Variants in HSD17B4 observed in about 807,000 individuals in gnomAD.
HSD17B4 encodes the protein peroxisomal multifunctional enzyme type 2.
HSD17B4 carries 70 observed loss-of-function variants against 101.0 expected under a neutral mutation model. That is an observed-to-expected ratio of 0.69 (90% CI 0.57 to 0.85). HSD17B4 has a LOEUF of 0.85. Among genes scored for constraint, HSD17B4 ranks in the 40% least tolerant of loss-of-function variants. The pLI, the probability that HSD17B4 is intolerant of heterozygous loss-of-function variation, is 0.00. For missense variants in HSD17B4, 984 were observed against 892.4 expected (o/e 1.10, Z -1.31); for synonymous variants, 347 against 297.1 (o/e 1.17, Z -1.73).
At chr5:119,486,772 G>A (rs539639381) in intron 8 of HSD17B4, among the ~76,000 whole-genome samples, 18 of 152,224 alleles carry the variant, frequency 1.2e-4, no homozygotes, top group Non-Finnish European at 1.0e-4. Flanking sequence ...TCTAGGATAT[G>A]TACTTCAAAG....
At position 119,477,868 on chromosome 5, in the gene HSD17B4, C is replaced by T. The variant is rs146874239; in HGVS notation, c.434+367C>T. On this transcript the variant is annotated intron_variant, in intron 7 of 23. Transcript: ENST00000510025. The stretch of plus-strand genomic sequence containing the variant: ...CTGGGCTCAAGCAGTCCTCCCACCT[C>T]AGCCTCCCAAGTAGCTGGGACTGCA... The T allele has an allele frequency of 4.0e-3, 824 of 206,726 alleles. 10 individuals are homozygous for T. The highest frequency in any genetic ancestry group is 0.018 in the African/African-American group (783 of 43,006). The allele number at this position is 206,726 out of a possible 1,614,324, so 12.8% of individuals were successfully genotyped here. A position where few individuals can be genotyped will look rare whatever the true frequency, so the allele number is the denominator to read the frequency against.
rs1454202747 is a variant in HSD17B4, at chr5:119,530,073, A to G, written c.1854+93A>G. Reference sequence around the variant, plus strand: ...AGTGGTTAGGCTACGTTAGAAAATTAACAACCATGAAACTATTCTTAATTC... The same window carrying G: ...AGTGGTTAGGCTACGTTAGAAAATTGACAACCATGAAACTATTCTTAATTC... On this transcript the variant is annotated intron_variant, in intron 21 of 23. Coordinates refer to ENST00000510025, the MANE Select transcript of HSD17B4 (RefSeq NM_000414.4). The G allele has an allele frequency of 1.1e-5, 9 of 785,512 alleles. No homozygotes were observed. The East Asian group carries it at 2.0e-4, about 17-fold the overall frequency. 48.7% of individuals were successfully genotyped at this position (785,512 alleles called of 1,614,324 possible). A position where few individuals can be genotyped will look rare whatever the true frequency, so the allele number is the denominator to read the frequency against.
At chr5:119,474,369 C>T (rs542054837) in intron 3 of HSD17B4, 32 bp from the exon 4 acceptor site, 148 of 1,510,016 alleles carry the variant, frequency 9.8e-5, no homozygotes, top group Non-Finnish European at 1.2e-4. Flanking sequence ...GGGAGGTTGC[C>T]GAAATTTCAT....
intron 23 of HSD17B4, among the ~76,000 whole-genome samples, chr5:119,539,771 A>G (rs755726219): frequency 2.0e-5 from 3 of 151,974 alleles, no homozygotes; most frequent in Non-Finnish European, 4.4e-5. Context: ...GGATAAGATA[A>G]TTTACACACA....
Position 119,527,228 on chromosome 5 carries a change from T to G in HSD17B4, c.1767+9T>G. 1 of 1,572,178 alleles carries G rather than the reference T, an allele frequency of 6.4e-7. No homozygotes were observed. Among genetic ancestry groups the G allele is most frequent in the South Asian group, 1.1e-5 (1 of 90,082 alleles). ...TTCATTTTCAAACCAAGGTATGAAT[T>G]TTGCTTTTTCACCCTTCTCACATGC... On this transcript the variant is annotated intron_variant, in intron 20 of 23. Transcript: ENST00000510025.
Position 119,499,515 on chromosome 5 carries a change from T to C in HSD17B4, c.1171T>C (p.Leu391=). ...IGQKSMMGGG[L]AEIPGLSINF... is the part of the protein sequence containing the mutation. ...TCAGAAATCTATGATGGGTGGAGGATTAGCAGAAATTCCTGGACTTTCAAT... is the reference window on the plus strand; with the variant it reads ...TCAGAAATCTATGATGGGTGGAGGACTAGCAGAAATTCCTGGACTTTCAAT... The change falls in exon 13 of 24, where the codon TTA becomes CTA. Residue 391 remains leucine, a synonymous_variant. Coordinates refer to ENST00000510025, the MANE Select transcript of HSD17B4 (RefSeq NM_000414.4). 6.2e-7 allele frequency: 1 copy of C among 1,613,460 alleles called. No homozygotes were observed. Among genetic ancestry groups the C allele is most frequent in the East Asian group, 2.2e-5 (1 of 44,860 alleles).
chr5:119,485,513 C>T (rs1296539743), intron 8 of HSD17B4, among the ~76,000 whole-genome samples: 9 of 152,034 alleles, frequency 5.9e-5, no homozygotes, highest in Non-Finnish European at 1.5e-5. Flanking sequence ...TATTTCTAGT[C>T]CTAAAATTCC....
At chr5:119,497,660 T>A (rs1035941104) in intron 12 of HSD17B4, among the ~76,000 whole-genome samples, 16 of 152,244 alleles carry the variant, frequency 1.1e-4, no homozygotes, top group African/African-American at 3.6e-4. Flanking sequence ...AGCAAAATTT[T>A]GTTTGAAATG....
At chr5:119,453,954 G>T (rs1446982866) in intron 1 of HSD17B4, among the ~76,000 whole-genome samples, 2 of 152,140 alleles carry the variant, frequency 1.3e-5, no homozygotes. Flanking sequence ...TTTTGCCATC[G>T]CTAAGGAGAC....
At chr5:119,461,507 G>T (rs1476465713) in intron 2 of HSD17B4, among the ~76,000 whole-genome samples, 1 of 152,116 alleles carries the variant, frequency 6.6e-6, no homozygotes, top group Non-Finnish European at 1.5e-5. Context: ...ATTGATGCCT[G>T]ATAATTTGGT....
chr5:119,477,812 G>A (rs763276581), intron 7 of HSD17B4: 10 of 332,326 alleles, frequency 3.0e-5, no homozygotes, highest in Non-Finnish European at 4.6e-5. Flanking sequence ...GAGTACAGTG[G>A]CATGAACATG....
intron 2 of HSD17B4, among the ~76,000 whole-genome samples, chr5:119,473,313 C>CT (rs1748208553): frequency 2.7e-5 from 2 of 74,874 alleles, no homozygotes; most frequent in African/African-American, 4.9e-5. Context: ...CTTCCCTGCT[C>CT]CTTTTTTTTT....
intron 22 of HSD17B4, among the ~76,000 whole-genome samples, chr5:119,533,416 A>C (rs1227990494): frequency 6.6e-6 from 1 of 152,056 alleles, no homozygotes; most frequent in Non-Finnish European, 1.5e-5. Flanking sequence ...AATTAAGGAA[A>C]TAGTAATAAT....
At chr5:119,514,744 A>T (rs1288639345) in intron 16 of HSD17B4, among the ~76,000 whole-genome samples, 1 of 152,134 alleles carries the variant, frequency 6.6e-6, no homozygotes, top group Non-Finnish European at 1.5e-5. Context: ...GATTTATCTG[A>T]TTACATAATT....
In HSD17B4 at chr5:119,530,372, G is replaced by A. The variant is rs569521452; in HGVS notation, c.1854+392G>A. ...GTATGCAAATATATAAACCAGCAGC[G>A]TGTATAATTTATTAAAACATTGTAT... On this transcript the variant is annotated intron_variant, in intron 21 of 23. Coordinates refer to ENST00000510025, the MANE Select transcript of HSD17B4 (RefSeq NM_000414.4). Among the ~76,000 whole-genome samples, 44 of 152,154 alleles carry A rather than the reference G, an allele frequency of 2.9e-4. No individual in the cohort carries two copies. The South Asian group carries it at 7.2e-3, about 25-fold the overall frequency.
rs369731891 is a variant in HSD17B4, at chr5:119,452,510, T to A, written c.-66T>A. On this transcript the variant is annotated 5_prime_UTR_variant, in exon 1 of 24. Coordinates refer to ENST00000510025, the MANE Select transcript of HSD17B4 (RefSeq NM_000414.4). ...CCCGCCCCCGCCATTCCCCGCCTCCTCCTGTCCCGCAGTCGGCGTCCAGCG... is the reference window on the plus strand; with the variant it reads ...CCCGCCCCCGCCATTCCCCGCCTCCACCTGTCCCGCAGTCGGCGTCCAGCG... The A allele has an allele frequency of 1.2e-5, 20 of 1,612,694 alleles. No homozygotes were observed. Among genetic ancestry groups the A allele is most frequent in the African/African-American group, 1.2e-4 (9 of 75,020 alleles).
chr5:119,456,708 C>T (rs955243540), intron 2 of HSD17B4: 1 of 316,578 alleles, frequency 3.2e-6, no homozygotes, highest in Non-Finnish European at 6.0e-6. Flanking sequence ...GATTATACCA[C>T]TGCACTCCAA....
intron 2 of HSD17B4, among the ~76,000 whole-genome samples, chr5:119,469,318 TA>T (rs943863964): frequency 4.0e-5 from 6 of 151,686 alleles, no homozygotes; most frequent in African/African-American, 1.5e-4. Flanking sequence ...TTTTTTAACT[TA>T]AAAAAAGTGT....
rs892029481 is a variant in HSD17B4, at chr5:119,457,872, G to T, written c.112+1504G>T. 1.2e-4 allele frequency among the ~76,000 whole-genome samples: 18 copies of T among 152,290 alleles called. No individual in the cohort carries two copies. In the East Asian group the frequency reaches 2.7e-3, roughly 23 times the overall value. ...TGATATACTTTTCTGGGGGAAGGGT[G>T]TGTTTGAGATTGGTTGAATACATTT... is the stretch of plus-strand genomic sequence containing the variant. On this transcript the variant is annotated intron_variant, in intron 2 of 23. Coordinates refer to ENST00000510025, the MANE Select transcript of HSD17B4 (RefSeq NM_000414.4).
Sources: gnomAD v4.1 joint callset for allele counts (sites outside exome capture counted in the v4.1 genomes callset) on GRCh38, gnomAD v4.1.1 for gene constraint, MANE v1.5 for transcripts, NCBI Gene and HGNC (gene_info 2026-07-23, HGNC 2026-07-21) for gene names.